COL4A2: variants seen among roughly 807,000 people sequenced by gnomAD.
The protein encoded by COL4A2 is collagen alpha-2(IV) chain.
Under a neutral mutation model 200.2 loss-of-function variants are expected in COL4A2, and 99 were observed. The ratio of observed to expected loss-of-function variants is 0.49; its 90% CI spans 0.42 to 0.58. The LOEUF (loss-of-function observed/expected upper bound fraction) is 0.58. Among genes scored for constraint, COL4A2 ranks in the 20% least tolerant of loss-of-function variants. COL4A2 has a pLI of 0.00. For missense variants in COL4A2, 1,950 were observed against 2,314.1 expected, an observed-to-expected ratio of 0.84 and a Z score of 3.23; for synonymous variants, 897 against 900.6, an observed-to-expected ratio of 1.00 and a Z score of 0.07.
At chr13:110,336,994 T>C (rs1364007460) in intron 3 of COL4A2, among the ~76,000 whole-genome samples, 2 of 152,226 alleles carry the variant, frequency 1.3e-5, no homozygotes, top group Non-Finnish European at 2.9e-5. Context: ...AGTTCCCAAA[T>C]GTTGCTCTGG....
At chr13:110,345,702 AGGGTGGCCATCTATATTAG>A (rs1486728364) in intron 3 of COL4A2, among the ~76,000 whole-genome samples, 1 of 152,156 alleles carries the variant, frequency 6.6e-6, no homozygotes, top group African/African-American at 2.4e-5. Flanking sequence ...AAAAACATGA[AGGGTGGCCATCTATATTAG>A]GGGTGGAGAA....
intron 4 of COL4A2, among the ~76,000 whole-genome samples, chr13:110,402,803 G>C (rs3899318): frequency 0.59 from 90,167 of 152,172 alleles, 27,345 homozygotes; most frequent in Non-Finnish European, 0.67. Context: ...GGTCACAGAA[G>C]TTCTCCAGGG....
At chr13:110,421,362 A>G (rs145970426) in intron 4 of COL4A2, among the ~76,000 whole-genome samples, 575 of 152,352 alleles carry the variant, frequency 3.8e-3, no homozygotes, top group Non-Finnish European at 5.6e-3. Context: ...CCAGATGTCC[A>G]CGAACAAATG....
intron 4 of COL4A2, among the ~76,000 whole-genome samples, chr13:110,378,918 A>G (rs1211256397): frequency 2.0e-5 from 3 of 152,212 alleles, no homozygotes; most frequent in East Asian, 3.9e-4. Flanking sequence ...AAGCTGCTTC[A>G]TATGAGGCAG....
intron 4 of COL4A2, among the ~76,000 whole-genome samples, chr13:110,381,722 T>C (rs1878500294): frequency 6.6e-6 from 1 of 152,186 alleles, no homozygotes; most frequent in Non-Finnish European, 1.5e-5. Flanking sequence ...TGGGATTGAA[T>C]CTGCCTCACT....
chr13:110,335,412 T>G (rs901099219), intron 3 of COL4A2, among the ~76,000 whole-genome samples: 1 of 152,084 alleles, frequency 6.6e-6, no homozygotes, highest in African/African-American at 2.4e-5. Flanking sequence ...TCTCATGAGA[T>G]CTGATGGTTT....
intron 3 of COL4A2, among the ~76,000 whole-genome samples, chr13:110,347,303 G>A (rs1314514390): frequency 6.6e-6 from 1 of 152,194 alleles, no homozygotes; most frequent in Non-Finnish European, 1.5e-5. Context: ...CTAGGCCGGG[G>A]AGCCAGGCAT....
At chr13:110,466,133 C>G in intron 26 of COL4A2, 71 bp downstream of exon 26, 2 of 1,538,970 alleles carry the variant, frequency 1.3e-6, no homozygotes, top group Non-Finnish European at 8.9e-7. Flanking sequence ...TAAGCTCTTG[C>G]AGTATGCGTG....
At chr13:110,366,094 G>T (rs1010073024) in intron 4 of COL4A2, among the ~76,000 whole-genome samples, 7 of 152,208 alleles carry the variant, frequency 4.6e-5, no homozygotes, top group Non-Finnish European at 1.0e-4. Context: ...TTTGACAAGT[G>T]TAGCACTGAA....
chr13:110,493,662 C>G (rs4391919), intron 39 of COL4A2, among the ~76,000 whole-genome samples: 1 of 151,932 alleles, frequency 6.6e-6, no homozygotes, highest in Non-Finnish European at 1.5e-5. Flanking sequence ...TTTTGTTGGC[C>G]TAAGGAAGCC....
intron 21 of COL4A2, chr13:110,458,233 C>A: frequency 2.4e-6 from 1 of 415,440 alleles, no homozygotes; most frequent in Non-Finnish European, 4.9e-6. Flanking sequence ...CCTGGGGGAG[C>A]CAACCCCTGC....
intron 4 of COL4A2, among the ~76,000 whole-genome samples, chr13:110,380,129 T>G (rs1009835738): frequency 1.3e-5 from 2 of 152,154 alleles, no homozygotes; most frequent in Non-Finnish European, 2.9e-5. Flanking sequence ...GAAAAGAAAC[T>G]TCACCAAAGA....
chr13:110,455,891 T>C (rs533533958), intron 20 of COL4A2, among the ~76,000 whole-genome samples: 2 of 152,328 alleles, frequency 1.3e-5, no homozygotes, highest in African/African-American at 2.4e-5. Flanking sequence ...TTCCATGTAG[T>C]GTGTATAGCA....
chr13:110,451,303 G>T (rs535051168), intron 20 of COL4A2, among the ~76,000 whole-genome samples: 2 of 152,328 alleles, frequency 1.3e-5, no homozygotes, highest in South Asian at 4.1e-4. Context: ...TGCGGCCCAG[G>T]ACGGCTTCAA....
At chr13:110,465,840 GA>G (rs1481049046) in intron 25 of COL4A2, among the ~76,000 whole-genome samples, 162 bp from the exon 26 acceptor site, 1 of 152,164 alleles carries the variant, frequency 6.6e-6, no homozygotes, top group Non-Finnish European at 1.5e-5. Flanking sequence ...GCCTTGCCCG[GA>G]AGTTCAGAGA....
chr13:110,326,908 C>T (rs1566474683), intron 3 of COL4A2, among the ~76,000 whole-genome samples: 1 of 152,238 alleles, frequency 6.6e-6, no homozygotes, highest in Non-Finnish European at 1.5e-5. Context: ...AGAGCGTGAC[C>T]ACTTTGTGAC....
chr13:110,445,764 A>G, intron 16 of COL4A2, 65 bp from the exon 17 acceptor site: 1 of 1,573,166 alleles, frequency 6.4e-7, no homozygotes, highest in Non-Finnish European at 8.8e-7. Flanking sequence ...TAATAATGCC[A>G]TTGCAGTCCC....
intron 4 of COL4A2, among the ~76,000 whole-genome samples, chr13:110,406,853 T>C (rs908358822): frequency 1.3e-5 from 2 of 152,220 alleles, no homozygotes; most frequent in African/African-American, 4.8e-5. Flanking sequence ...TGGTGATTAC[T>C]AAACATTTGA....
At chr13:110,461,103 C>T (rs953331269) in intron 22 of COL4A2, among the ~76,000 whole-genome samples, 2 of 152,220 alleles carry the variant, frequency 1.3e-5, no homozygotes, top group African/African-American at 2.4e-5. Flanking sequence ...AAGAGCTAGA[C>T]GCGATTTTCC....
Sources: allele counts gnomAD v4.1 joint callset (sites outside exome capture counted in the v4.1 genomes callset), GRCh38; gene constraint gnomAD v4.1.1; transcripts MANE v1.5; gene names NCBI Gene and HGNC (gene_info 2026-07-23, HGNC 2026-07-21).